The following KCNS3 variants were observed in gnomAD, a reference collection of about 807,000 sequenced individuals.
KCNS3 encodes the protein potassium voltage-gated channel modifier subfamily S member 3.
KCNS3 carries 13 observed loss-of-function variants against 31.0 expected under a neutral mutation model. That is an observed-to-expected ratio of 0.42 (90% CI 0.27 to 0.67). KCNS3 has a LOEUF of 0.67. Among genes scored for constraint, KCNS3 ranks in the 30% least tolerant of loss-of-function variants. The pLI, the probability that KCNS3 is intolerant of heterozygous loss-of-function variation, is 0.25. For synonymous variants in KCNS3, 238 were observed against 241.5 expected (o/e 0.99, Z 0.13); for missense variants, 545 against 622.4 (o/e 0.88, Z 1.32).
rs1300978534 is a variant in KCNS3 at position 17,905,605 on chromosome 2, A to G, written c.-251-12075A>G. On this transcript the variant is annotated intron_variant, in intron 1 of 2. Transcript: ENST00000304101. ...TGATATTGGCTGTGGGTTTGTCATAAATAGCTCTTATTATTTTGAGATACA... is the reference window on the plus strand; with the variant it reads ...TGATATTGGCTGTGGGTTTGTCATAGATAGCTCTTATTATTTTGAGATACA... 1.3e-4 allele frequency among the ~76,000 whole-genome samples: 20 copies of G among 152,202 alleles called. No homozygotes were observed. The East Asian group carries it at 3.7e-3, about 28-fold the overall frequency.
Position 17,878,825 on chromosome 2 carries a change from C to T in KCNS3, c.-252+19C>T, listed in dbSNP as rs1674570872. On this transcript the variant is annotated intron_variant, in intron 1 of 2. Transcript: ENST00000304101. ...CCTGCAGGTACCTGGCTGGCGTCCC[C>T]ACCTCCCTGCGCGCTCCGGAGACTT... 6.6e-6 allele frequency: 1 copy of T among 152,424 alleles called. No homozygotes were observed. The highest frequency in any genetic ancestry group is 2.4e-5 in the African/African-American group (1 of 41,446). The allele number at this position is 152,424 out of a possible 1,614,324, so 9.4% of individuals were successfully genotyped here.
chr2:17,912,235 C>A (rs1662487606), intron 1 of KCNS3, among the ~76,000 whole-genome samples: 2 of 152,218 alleles, frequency 1.3e-5, no homozygotes, highest in Admixed American at 1.3e-4. Flanking sequence ...GCTATGATGT[C>A]CTCCAGAAAG....
intron 2 of KCNS3, among the ~76,000 whole-genome samples, chr2:17,919,037 C>T (rs565736357): frequency 4.6e-5 from 7 of 152,220 alleles, no homozygotes; most frequent in Admixed American, 2.0e-4. Flanking sequence ...TTTCCTGTTT[C>T]TGTTTGAAAA....
intron 1 of KCNS3, among the ~76,000 whole-genome samples, chr2:17,899,479 C>T (rs16981875): frequency 0.056 from 8,479 of 152,130 alleles, 587 homozygotes; most frequent in African/African-American, 0.17. Context: ...ATGAACAATT[C>T]TAATAATTTA....
intron 1 of KCNS3, among the ~76,000 whole-genome samples, chr2:17,890,512 A>G (rs1661820950): frequency 6.6e-6 from 1 of 151,236 alleles, no homozygotes; most frequent in African/African-American, 2.4e-5. Context: ...TTGAGGTGTG[A>G]CTTTAGATTG....
At chr2:17,914,523 CT>C (rs1315756375) in intron 1 of KCNS3, among the ~76,000 whole-genome samples, 1 of 152,232 alleles carries the variant, frequency 6.6e-6, no homozygotes, top group African/African-American at 2.4e-5. Context: ...GTCTTTCACA[CT>C]TTCCTTCTCT....
intron 1 of KCNS3, among the ~76,000 whole-genome samples, chr2:17,906,142 G>T (rs1662308596): frequency 6.6e-6 from 1 of 152,204 alleles, no homozygotes; most frequent in African/African-American, 2.4e-5. Context: ...TTCAGAGCCT[G>T]TTATTGGTCT....
At chr2:17,929,355 A>C (rs1410715749) in intron 2 of KCNS3, among the ~76,000 whole-genome samples, 1 of 152,200 alleles carries the variant, frequency 6.6e-6, no homozygotes, top group Non-Finnish European at 1.5e-5. Context: ...CAGCAGGTGA[A>C]AGGGAAGCCA....
At chr2:17,915,664 G>A (rs1318593503) in intron 1 of KCNS3, among the ~76,000 whole-genome samples, 3 of 152,196 alleles carry the variant, frequency 2.0e-5, no homozygotes, top group African/African-American at 7.2e-5. Context: ...CAGAGGAGAT[G>A]TGTGTAAAAA....
Position 17,931,510 on chromosome 2 carries a change from C to T in KCNS3, c.502C>T (p.Arg168Trp), listed in dbSNP as rs531711402. Reference protein sequence around the residue: ...KFDTLRFGQLRKKIWIRMENP... With the variant: ...KFDTLRFGQLWKKIWIRMENP... ...TGACACACTGCGATTTGGTCAGCTCCGGAAGAAAATCTGGATTAGAATGGA... is the reference window on the plus strand; with the variant it reads ...TGACACACTGCGATTTGGTCAGCTCTGGAAGAAAATCTGGATTAGAATGGA... The change falls in exon 3 of 3, where the codon CGG becomes TGG. Residue 168 changes from arginine (R) to tryptophan (W), a missense_variant. By Grantham distance (101) the Arg-to-Trp change is moderately radical (BLOSUM62 -3). Coordinates refer to ENST00000304101, the MANE Select transcript of KCNS3 (RefSeq NM_002252.5). This position sits in a 1 kb window ranked among gnomAD's most constrained non-coding sequence, Gnocchi z 5.4. The T allele has an allele frequency of 9.3e-6, 15 of 1,614,114 alleles. No individual in the cohort carries two copies. Among genetic ancestry groups the T allele is most frequent in the South Asian group, 2.2e-5 (2 of 91,066 alleles).
intron 1 of KCNS3, among the ~76,000 whole-genome samples, chr2:17,910,870 A>G (rs886818123): frequency 6.6e-6 from 1 of 152,168 alleles, no homozygotes; most frequent in African/African-American, 2.4e-5. Flanking sequence ...TTCATATTTT[A>G]AAAGAAATAA....
chr2:17,925,792 A>G (rs575546777), intron 2 of KCNS3, among the ~76,000 whole-genome samples: 57 of 152,188 alleles, frequency 3.7e-4, no homozygotes, highest in Non-Finnish European at 7.8e-4. Flanking sequence ...AAGCCAGACC[A>G]TATCATTCTA....
At chr2:17,889,599 C>G (rs1661790399) in intron 1 of KCNS3, among the ~76,000 whole-genome samples, 1 of 151,992 alleles carries the variant, frequency 6.6e-6, no homozygotes, top group Admixed American at 6.6e-5. Flanking sequence ...TAAGGTATGT[C>G]CCTTGTATGC....
intron 1 of KCNS3, among the ~76,000 whole-genome samples, chr2:17,889,421 C>T (rs1661786742): frequency 6.6e-6 from 1 of 152,140 alleles, no homozygotes; most frequent in Admixed American, 6.6e-5. Flanking sequence ...CCCTTTATTT[C>T]CTTCTCTTGT....
chr2:17,904,071 C>A (rs1177715001), intron 1 of KCNS3, among the ~76,000 whole-genome samples: 1 of 152,178 alleles, frequency 6.6e-6, no homozygotes, highest in Non-Finnish European at 1.5e-5. Flanking sequence ...TACAGTCCCA[C>A]CAACAGTGTA....
At chr2:17,926,754 C>G (rs1341607640) in intron 2 of KCNS3, among the ~76,000 whole-genome samples, 1 of 152,226 alleles carries the variant, frequency 6.6e-6, no homozygotes, top group Non-Finnish European at 1.5e-5. Context: ...CTTTTTTCCT[C>G]CAGGCTTCTA....
At chr2:17,888,629 G>GTATATCTATA (rs35102585) in intron 1 of KCNS3, among the ~76,000 whole-genome samples, 2,843 of 92,176 alleles carry the variant, frequency 0.031, 177 homozygotes, top group Middle Eastern at 0.043. Context: ...TAAAAAAAAT[G>GTATATCTATA]TATATATATA....
chr2:17,896,114 T>C (rs996188470), intron 1 of KCNS3, among the ~76,000 whole-genome samples: 1 of 152,186 alleles, frequency 6.6e-6, no homozygotes, highest in Non-Finnish European at 1.5e-5. Context: ...ACAATCATAG[T>C]TCACTACAGC....
At chr2:17,906,361 A>G (rs926666753) in intron 1 of KCNS3, among the ~76,000 whole-genome samples, 8 of 151,374 alleles carry the variant, frequency 5.3e-5, no homozygotes, top group South Asian at 2.1e-4. Context: ...TTTCTTCTTT[A>G]TTAGTCTTGC....
Sources: gnomAD v4.1 joint callset for allele counts (sites outside exome capture counted in the v4.1 genomes callset) on GRCh38, gnomAD v4.1.1 for gene constraint, Gnocchi (gnomAD v3.1) non-coding constraint, MANE v1.5 for transcripts, NCBI Gene and HGNC (gene_info 2026-07-23, HGNC 2026-07-21) for gene names.